BCAS1: variants seen among roughly 807,000 people sequenced by gnomAD.
The protein encoded by BCAS1 is brain enriched myelin associated protein 1.
In BCAS1, 46 loss-of-function variants were observed where a neutral mutation model predicts 65.4. The observed-to-expected ratio is 0.70, with a 90% CI of 0.55 to 0.90. The LOEUF (loss-of-function observed/expected upper bound fraction) is 0.90. Ranked by LOEUF, BCAS1 falls within the 40% of genes least tolerant of loss-of-function variation. The pLI is 0.00. For synonymous variants in BCAS1, 298 were observed against 293.5 expected (o/e 1.02, Z -0.16); for missense variants, 793 against 771.2 (o/e 1.03, Z -0.33).
chr20:53,960,399 C>T (rs2089838182), intron 10 of BCAS1, among the ~76,000 whole-genome samples: 2 of 144,740 alleles, frequency 1.4e-5, no homozygotes, highest in Non-Finnish European at 3.0e-5. Flanking sequence ...CTGATCTCAG[C>T]TGACATCATG....
In BCAS1 at chr20:53,995,947, T is replaced by G; in HGVS notation, c.827A>C (p.Gln276Pro). 1 of 1,613,704 alleles carries G rather than the reference T, an allele frequency of 6.2e-7. No individual in the cohort carries two copies. Among genetic ancestry groups the G allele is most frequent in the Non-Finnish European group, 8.5e-7 (1 of 1,179,744 alleles). The part of the protein sequence containing the change: ...EGLETAKDDS[Q>P]AAAIAENNNS... ...ATTATTCTCTGCTATAGCTGCTGCCTGGGAATCGTCCTTTGCAGTCTCCAG... is the reference window on the plus strand; with the variant it reads ...ATTATTCTCTGCTATAGCTGCTGCCGGGGAATCGTCCTTTGCAGTCTCCAG... Residue 276 changes from glutamine to proline, a missense_variant, in exon 5 of 13, where the codon CAG becomes CCG. Coordinates refer to ENST00000688948, the MANE Select transcript of BCAS1 (RefSeq NM_001366298.2).
At chr20:54,028,997 G>C (rs2146105319) in intron 3 of BCAS1, 25 bp from the exon 4 acceptor site, 1 of 1,571,664 alleles carries the variant, frequency 6.4e-7, no homozygotes, top group East Asian at 2.3e-5. Context: ...ATAAACAGTG[G>C]TTATTCAGCC....
At chr20:53,969,453 G>A (rs1600735613) in intron 9 of BCAS1, among the ~76,000 whole-genome samples, 1 of 151,992 alleles carries the variant, frequency 6.6e-6, no homozygotes, top group South Asian at 2.1e-4. Context: ...AAGATAGTTC[G>A]ACAGCTTAGG....
At position 54,028,814 on chromosome 20, in the gene BCAS1, G is replaced by A. The variant is rs769856298; in HGVS notation, c.301C>T (p.Arg101Trp). 2.5e-5 allele frequency: 40 copies of A among 1,613,932 alleles called. No homozygotes were observed. The highest frequency in any genetic ancestry group is 3.0e-5 in the Non-Finnish European group (35 of 1,180,024). ...AKSRFFLMLS[R>W]PVPGRTGDQA... ...TCTCCGGTACGTCCTGGTACAGGCC[G>A]AGAGAGCATCAAGAAAAAACGAGAT... Residue 101 changes from arginine (R) to tryptophan (W), a missense_variant, in exon 4 of 13, where the codon CGG becomes TGG. Arg to Trp is a moderately radical substitution (Grantham distance 101, BLOSUM62 -3). Transcript: ENST00000688948.
rs2090044807 is a variant in BCAS1, at chr20:53,966,909, T to C, written c.1482A>G (p.Gln494=). 1 of 1,606,070 alleles carries C rather than the reference T, an allele frequency of 6.2e-7. No individual in the cohort carries two copies. Among genetic ancestry groups the C allele is most frequent in the Non-Finnish European group, 8.5e-7 (1 of 1,177,734 alleles). The change falls in exon 10 of 13, where the codon CAA becomes CAG. Residue 494 remains glutamine, a synonymous_variant. Transcript: ENST00000688948. ...PRTSLMAFLR[Q]MSVKGDGGIT... ...ATACTGGAAGTAAGGGGCTTACCATTTGTCTGAGAAACGCCATCAGAGAGG... is the reference window on the plus strand; with the variant it reads ...ATACTGGAAGTAAGGGGCTTACCATCTGTCTGAGAAACGCCATCAGAGAGG...
rs577885581 is a variant in BCAS1 at position 53,998,028 on chromosome 20, C to T, written c.724-1978G>A. ...GAATGAAAGGAGACACTTCTGTTTC[C>T]TCAAAAGCGATTTCTAACAATTCGC... On this transcript the variant is annotated intron_variant, in intron 4 of 12. Transcript: ENST00000688948. Among the ~76,000 whole-genome samples, 12 of 152,270 alleles carry T rather than the reference C, an allele frequency of 7.9e-5. No individual in the cohort carries two copies. The East Asian group carries it at 1.9e-3, about 24-fold the overall frequency.
rs755398167 is a variant in BCAS1 at position 54,028,860 on chromosome 20, T to C, written c.255A>G (p.Lys85=). The C allele has an allele frequency of 1.9e-6, 3 of 1,613,866 alleles. No individual in the cohort carries two copies. Among genetic ancestry groups the C allele is most frequent in the Non-Finnish European group, 2.5e-6 (3 of 1,179,990 alleles). ...GAGATTTAGCAGCTGGTGCCTCGGG[T>C]TTGGCCTCTTTCCCAAGATTCTTTC... ...ANGKNLGKEA[K]PEAPAAKSRF... The change falls in exon 4 of 13, where the codon AAA becomes AAG. Residue 85 remains lysine, a synonymous_variant. Transcript: ENST00000688948.
chr20:53,992,057 C>T (rs2090774382), intron 7 of BCAS1, among the ~76,000 whole-genome samples: 1 of 152,160 alleles, frequency 6.6e-6, no homozygotes, highest in Non-Finnish European at 1.5e-5. Flanking sequence ...AATGAGGTAG[C>T]TAGAATGTAA....
At chr20:54,032,522 A>G (rs978526476) in intron 3 of BCAS1, among the ~76,000 whole-genome samples, 3 of 151,416 alleles carry the variant, frequency 2.0e-5, no homozygotes, top group East Asian at 1.9e-4. Flanking sequence ...TAAAAGACAT[A>G]AAGTGGCAGG....
At chr20:54,051,509 G>A (rs74590650) in intron 3 of BCAS1, among the ~76,000 whole-genome samples, 2,287 of 152,192 alleles carry the variant, frequency 0.015, 52 homozygotes, top group African/African-American at 0.052. Context: ...ATAGCTAAGA[G>A]ATGTCATCTC....
intron 9 of BCAS1, among the ~76,000 whole-genome samples, chr20:53,972,537 G>A (rs982371765): frequency 2.0e-5 from 3 of 152,196 alleles, no homozygotes; most frequent in Non-Finnish European, 4.4e-5. Context: ...AGCCATAGAT[G>A]ATATGTAAAG....
intron 3 of BCAS1, among the ~76,000 whole-genome samples, chr20:54,035,261 G>A (rs1191925939): frequency 6.6e-6 from 1 of 150,440 alleles, no homozygotes; most frequent in Admixed American, 6.7e-5. Context: ...TTAGCCGGGT[G>A]TGGTGGCAGG....
chr20:53,978,930 C>T (rs1003332986), intron 8 of BCAS1, among the ~76,000 whole-genome samples: 5 of 152,188 alleles, frequency 3.3e-5, no homozygotes, highest in African/African-American at 1.2e-4. Flanking sequence ...TACCCAAAGG[C>T]TGACTGTTAG....
At chr20:54,058,815 C>T in intron 1 of BCAS1, 92 bp from the exon 2 acceptor site, 1 of 1,427,506 alleles carries the variant, frequency 7.0e-7, no homozygotes, top group Non-Finnish European at 9.6e-7. Flanking sequence ...GACAAGCCGC[C>T]CATGGCTGTA....
chr20:54,036,922 A>G (rs2091908901), intron 3 of BCAS1, among the ~76,000 whole-genome samples: 1 of 151,368 alleles, frequency 6.6e-6, no homozygotes, highest in Non-Finnish European at 1.5e-5. Flanking sequence ...AGAAATGTTT[A>G]TCATTTTCAA....
rs2090870112 is a variant in BCAS1 at position 53,995,059 on chromosome 20, T to C, written c.883-3A>G. ...GTTTCAGCTTTGTTAGGTGAAACCT[T>C]AAAAGTTTGAGAAAGCCAAATATTA... On this transcript the variant is annotated splice_polypyrimidine_tract_variant and splice_region_variant and intron_variant, in intron 5 of 12. Coordinates refer to ENST00000688948, the MANE Select transcript of BCAS1 (RefSeq NM_001366298.2). 4 of 1,612,568 alleles carry C rather than the reference T, an allele frequency of 2.5e-6. No homozygotes were observed. The highest frequency in any genetic ancestry group is 3.4e-6 in the Non-Finnish European group (4 of 1,178,884).
chr20:54,024,748 G>A (rs1461949974), intron 4 of BCAS1, among the ~76,000 whole-genome samples: 2 of 152,184 alleles, frequency 1.3e-5, no homozygotes, highest in African/African-American at 4.8e-5. Flanking sequence ...CTCAGTCACT[G>A]TGTCGGATTC....
At chr20:53,980,731 G>C (rs1340001332) in intron 8 of BCAS1, among the ~76,000 whole-genome samples, 2 of 152,168 alleles carry the variant, frequency 1.3e-5, no homozygotes. Context: ...AGCCAAGCCT[G>C]GATCTCACAT....
At chr20:54,029,279 C>A (rs2091750194) in intron 3 of BCAS1, 1 of 967,368 alleles carries the variant, frequency 1.0e-6, no homozygotes, top group Non-Finnish European at 1.2e-6. Flanking sequence ...ACTCCGTGAG[C>A]AGCATATTGT....
Sources: gnomAD v4.1 joint callset for allele counts (sites outside exome capture counted in the v4.1 genomes callset) on GRCh38, gnomAD v4.1.1 for gene constraint, MANE v1.5 for transcripts, NCBI Gene and HGNC (gene_info 2026-07-23, HGNC 2026-07-21) for gene names.